Variants in HSD11B2 observed in about 807,000 individuals in gnomAD.
HSD11B2 encodes the protein 11-beta-hydroxysteroid dehydrogenase type 2.
A neutral mutation model predicts 20.9 loss-of-function variants in HSD11B2; 17 were observed. That is an observed-to-expected ratio of 0.81 (90% CI 0.56 to 1.22). The LOEUF is 1.22. HSD11B2 is among the 50% of genes most tolerant of loss of function. HSD11B2 has a pLI of 0.00. For synonymous variants in HSD11B2, 253 were observed against 255.4 expected (o/e 0.99, Z 0.09); for missense variants, 480 against 563.6 (o/e 0.85, Z 1.50).
chr16:67,433,687 TACACACACACACACACAC>T (rs759945497), intron 1 of HSD11B2, among the ~76,000 whole-genome samples: 4 of 133,866 alleles, frequency 3.0e-5, no homozygotes, highest in South Asian at 4.7e-4. Flanking sequence ...TGTGTGTGTC[TACACACACACACACACAC>T]ACACACACAC....
rs746102142 is a variant in HSD11B2, at chr16:67,435,685, CG to C, written c.325del (p.Val109CysfsTer8). The C allele has an allele frequency of 6.2e-7, 1 of 1,613,860 alleles. No homozygotes were observed. Among genetic ancestry groups the C allele is most frequent in the Admixed American group, 1.7e-5 (1 of 60,002 alleles). On this transcript the variant is annotated frameshift_variant, in exon 2 of 5. Transcript: ENST00000326152. LOFTEE classifies it high-confidence loss of function. ...AAGAAACTGGACTCCATGGGCTTCA[CG>C]GTGCTGGCCACCGTATTGGAGTTGA... is the stretch of plus-strand genomic sequence containing the variant. ...TAKKLDSMGF[T>X]VLATVLELNS...
rs2040971096 is a variant in HSD11B2 at position 67,436,227 on chromosome 16, C to G, written c.665-22C>G. Reference sequence around the variant, plus strand: ...GAGCCCCTTGCCAAAGCTGAGCTGCCCCACTCCCAATCCATCCGCAGGGGA... The same window carrying G: ...GAGCCCCTTGCCAAAGCTGAGCTGCGCCACTCCCAATCCATCCGCAGGGGA... On this transcript the variant is annotated intron_variant, in intron 3 of 4. Transcript: ENST00000326152. The surrounding 1 kb of genome is among the most constrained non-coding windows in gnomAD (Gnocchi z 5.7). The G allele has an allele frequency of 1.9e-6, 3 of 1,613,744 alleles. No homozygotes were observed. Among genetic ancestry groups the G allele is most frequent in the Admixed American group, 3.3e-5 (2 of 59,978 alleles).
chr16:67,435,551 G>A, intron 1 of HSD11B2, 77 bp from the exon 2 acceptor site: 1 of 1,198,698 alleles, frequency 8.3e-7, no homozygotes, highest in Non-Finnish European at 1.2e-6. Flanking sequence ...ATCCCATCCA[G>A]ACCCTGGTGA....
rs758419083 is a variant in HSD11B2, at chr16:67,436,163, G to A, written c.664+21G>A. On this transcript the variant is annotated intron_variant, in intron 3 of 4. Coordinates refer to ENST00000326152, the MANE Select transcript of HSD11B2 (RefSeq NM_000196.4). This position sits in a 1 kb window ranked among gnomAD's most constrained non-coding sequence, Gnocchi z 5.7. ...AGCGGGTGAGTGCCCCCCCCCACTG[G>A]AGCAAAAAGGAGCCCCCTGGGGTGG... 7 of 1,613,622 alleles carry A rather than the reference G, an allele frequency of 4.3e-6. No homozygotes were observed. The Admixed American group carries it at 1.2e-4, about 27-fold the overall frequency.
rs72650125 is a variant in HSD11B2, at chr16:67,437,010, T to G, written c.*7T>G. 170 of 1,605,940 alleles carry G rather than the reference T, an allele frequency of 1.1e-4. 1 individual carries two copies. The African/African-American group carries it at 2.0e-3, about 19-fold the overall frequency. On this transcript the variant is annotated 3_prime_UTR_variant, in exon 5 of 5. Transcript: ENST00000326152. ...CCCAGCAGTGGCTCGGTGAGCCATGTGCACCTATGGCCCAGCCACTGCAGC... is the reference window on the plus strand; with the variant it reads ...CCCAGCAGTGGCTCGGTGAGCCATGGGCACCTATGGCCCAGCCACTGCAGC...
intron 1 of HSD11B2, among the ~76,000 whole-genome samples, chr16:67,432,357 C>A (rs2040940401): frequency 6.6e-6 from 1 of 152,076 alleles, no homozygotes; most frequent in African/African-American, 2.4e-5. Flanking sequence ...CCTGGTCTCT[C>A]GCCAATACCC....
chr16:67,436,038 G>A lies in HSD11B2; in HGVS notation c.560G>A (p.Ser187Asn). The A allele has an allele frequency of 1.2e-6, 2 of 1,614,268 alleles. No individual in the cohort carries two copies. The highest frequency in any genetic ancestry group is 1.7e-6 in the Non-Finnish European group (2 of 1,180,050). ...AELSPVATFR[S>N]CMEVNFFGAL... ...CTGTCTCCAGTGGCCACTTTCCGTA[G>A]CTGCATGGAGGTGAATTTCTTTGGC... The change falls in exon 3 of 5, where the codon AGC becomes AAC. Residue 187 changes from serine (S) to asparagine (N), a missense_variant. By Grantham distance (46) the Ser-to-Asn change is conservative (BLOSUM62 1). Coordinates refer to ENST00000326152, the MANE Select transcript of HSD11B2 (RefSeq NM_000196.4). This position sits in a 1 kb window ranked among gnomAD's most constrained non-coding sequence, Gnocchi z 5.7.
Position 67,436,054 on chromosome 16 carries a change from T to A in HSD11B2, c.576T>A (p.Asn192Lys). Residue 192 changes from asparagine (N) to lysine (K), a missense_variant, in exon 3 of 5, where the codon AAT becomes AAA. Asn to Lys is a moderately conservative substitution (Grantham distance 94). This residue lies in a region of HSD11B2 where 374 missense variants were observed against 480.9 expected (regional missense o/e 0.78). Transcript: ENST00000326152. This position sits in a 1 kb window ranked among gnomAD's most constrained non-coding sequence, Gnocchi z 5.7. ...VATFRSCMEV[N>K]FFGALELTKG... is the part of the protein sequence containing the mutation. ...CTTTCCGTAGCTGCATGGAGGTGAATTTCTTTGGCGCGCTCGAGCTGACCA... is the reference window on the plus strand; with the variant it reads ...CTTTCCGTAGCTGCATGGAGGTGAAATTCTTTGGCGCGCTCGAGCTGACCA... The A allele has an allele frequency of 6.2e-7, 1 of 1,614,220 alleles. No individual in the cohort carries two copies. Among genetic ancestry groups the A allele is most frequent in the South Asian group, 1.1e-5 (1 of 91,088 alleles).
chr16:67,431,187 C>T lies in HSD11B2; in HGVS notation c.-62C>T. 1.0e-6 allele frequency: 1 copy of T among 990,022 alleles called. No homozygotes were observed. The allele number at this position is 990,022 out of a possible 1,614,324, so 61.3% of individuals were successfully genotyped here. ...CGCACTCCGCGCCCCGGCCTAGAAGCTCTCTCTCCCCGCTCCCCGGCCCGG... is the reference window on the plus strand; with the variant it reads ...CGCACTCCGCGCCCCGGCCTAGAAGTTCTCTCTCCCCGCTCCCCGGCCCGG... On this transcript the variant is annotated 5_prime_UTR_variant, in exon 1 of 5. Transcript: ENST00000326152.
chr16:67,431,223 GC>G lies in HSD11B2; in HGVS notation c.-22del. The G allele has an allele frequency of 1.7e-6, 2 of 1,153,442 alleles. No homozygotes were observed. Among genetic ancestry groups the G allele is most frequent in the Admixed American group, 4.7e-5 (1 of 21,458 alleles). 71.5% of individuals were successfully genotyped at this position (1,153,442 alleles called of 1,614,324 possible). On this transcript the variant is annotated 5_prime_UTR_variant, in exon 1 of 5. Transcript: ENST00000326152. ...CGCTCCCCGGCCCGGCCCCCGCCCC[GC>G]CCCGCCCCAGCCCGCTGGGCCGCCA...
chr16:67,436,719 C>G lies in HSD11B2; in HGVS notation c.934C>G (p.Arg312Gly), dbSNP rs564896195. The G allele has an allele frequency of 6.2e-7, 1 of 1,614,130 alleles. No individual in the cohort carries two copies. The highest frequency in any genetic ancestry group is 8.5e-7 in the Non-Finnish European group (1 of 1,180,040). Residue 312 changes from arginine (R) to glycine (G), a missense_variant, in exon 5 of 5, where the codon CGC becomes GGC. By Grantham distance (125) the Arg-to-Gly change is moderately radical. This residue lies in a region of HSD11B2 where 374 missense variants were observed against 480.9 expected (regional missense o/e 0.78). Transcript: ENST00000326152. The surrounding 1 kb of genome is among the most constrained non-coding windows in gnomAD (Gnocchi z 5.7). ...GCATGGGCAGTTCCTGCACTCGCTA[C>G]GCCTGGCCATGTCCGACCTCACCCC... ...HLHGQFLHSLRLAMSDLTPVV... is the reference protein window; with the variant it reads ...HLHGQFLHSLGLAMSDLTPVV...
chr16:67,434,301 G>A (rs1457720870), intron 1 of HSD11B2, among the ~76,000 whole-genome samples: 1 of 152,166 alleles, frequency 6.6e-6, no homozygotes, highest in Non-Finnish European at 1.5e-5. Flanking sequence ...GGTGAAGTGG[G>A]GATGGGCCTC....
In HSD11B2 at chr16:67,431,399, C is replaced by A; in HGVS notation, c.151C>A (p.Leu51Met). The A allele has an allele frequency of 1.6e-6, 2 of 1,270,786 alleles. No individual in the cohort carries two copies. The highest frequency in any genetic ancestry group is 4.8e-5 in the South Asian group (2 of 41,864). 78.7% of individuals were successfully genotyped at this position (1,270,786 alleles called of 1,614,324 possible). ...LAALDWLCQR[L>M]LPPPAALAVL... The stretch of plus-strand genomic sequence containing the variant: ...CGCGCTCGACTGGCTGTGCCAGCGC[C>A]TGCTGCCCCCGCCGGCCGCACTCGC... The change falls in exon 1 of 5, where the codon CTG becomes ATG. Residue 51 changes from leucine to methionine, a missense_variant. Around this residue, in one of 2 missense-constraint regions of HSD11B2, gnomAD observed 106 missense variants for 82.8 expected, o/e 1.28. Transcript: ENST00000326152.
chr16:67,436,402 G>A lies in HSD11B2; in HGVS notation c.802+16G>A, dbSNP rs1441944269. On this transcript the variant is annotated intron_variant, in intron 4 of 4. Transcript: ENST00000326152. This position sits in a 1 kb window ranked among gnomAD's most constrained non-coding sequence, Gnocchi z 5.7. ...TTCAAGACAGGTGGGAATCAGGGCT[G>A]GGGGTGGGGTGGGGGTGGGGAATGG... 6.3e-7 allele frequency: 1 copy of A among 1,593,408 alleles called. No individual in the cohort carries two copies. Among genetic ancestry groups the A allele is most frequent in the Non-Finnish European group, 8.6e-7 (1 of 1,165,906 alleles).
At position 67,437,301 on chromosome 16, in the gene HSD11B2, T is replaced by G. The variant is rs908659169; in HGVS notation, c.*298T>G. The G allele has an allele frequency of 1.9e-6, 1 of 536,798 alleles. No individual in the cohort carries two copies. Among genetic ancestry groups the G allele is most frequent in the Non-Finnish European group, 3.3e-6 (1 of 299,074 alleles). The allele number at this position is 536,798 out of a possible 1,614,324, so 33.3% of individuals were successfully genotyped here. On this transcript the variant is annotated 3_prime_UTR_variant, in exon 5 of 5. Coordinates refer to ENST00000326152, the MANE Select transcript of HSD11B2 (RefSeq NM_000196.4). ...TGGGGAGTCTCATGCAAGACTTCAC[T>G]GCAGCCTTTCACAGGACTCTGCAGA...
rs895642778 is a variant in HSD11B2 at position 67,436,671 on chromosome 16, G to A, written c.886G>A (p.Gly296Ser). The change falls in exon 5 of 5, where the codon GGC becomes AGC. Residue 296 changes from glycine to serine, a missense_variant. Around this residue, in one of 2 missense-constraint regions of HSD11B2, gnomAD observed 374 missense variants for 480.9 expected, o/e 0.78. Coordinates refer to ENST00000326152, the MANE Select transcript of HSD11B2 (RefSeq NM_000196.4). This position sits in a 1 kb window ranked among gnomAD's most constrained non-coding sequence, Gnocchi z 5.7. ...GCCTCAAGAGCTGCTGCAGGCCTAC[G>A]GCAAGGACTACATCGAGCACTTGCA... ...NLPQELLQAY[G>S]KDYIEHLHGQ... The A allele has an allele frequency of 3.7e-6, 6 of 1,614,032 alleles. No homozygotes were observed. In the African/African-American group the frequency reaches 4.0e-5, roughly 11 times the overall value.
In HSD11B2 at chr16:67,431,477, CG is replaced by C; in HGVS notation, c.230del (p.Arg77ProfsTer40). The C allele has an allele frequency of 7.2e-7, 1 of 1,395,612 alleles. No individual in the cohort carries two copies. Among genetic ancestry groups the C allele is most frequent in the Non-Finnish European group, 9.3e-7 (1 of 1,072,608 alleles). 86.5% of individuals were successfully genotyped at this position (1,395,612 alleles called of 1,614,324 possible). ...IALSRLARPQRLPVATRAVLI... is the reference protein window; with the variant it reads ...IALSRLARPQXLPVATRAVLI... ...GTTGTCCCGCCTGGCGCGCCCGCAG[CG>C]CCTGCCGGTGGCCACTCGCGCGGTG... On this transcript the variant is annotated frameshift_variant, in exon 1 of 5. Transcript: ENST00000326152. LOFTEE classifies it high-confidence loss of function.
Position 67,435,652 on chromosome 16 carries a change from A to T in HSD11B2, c.290A>T (p.Glu97Val), listed in dbSNP as rs758071954. 5 of 1,613,662 alleles carry T rather than the reference A, an allele frequency of 3.1e-6. No individual in the cohort carries two copies. The South Asian group carries it at 5.5e-5, about 18-fold the overall frequency. The change falls in exon 2 of 5, where the codon GAG becomes GTG. Residue 97 changes from glutamate (E) to valine (V), a missense_variant. By Grantham distance (121) the Glu-to-Val change is moderately radical. Transcript: ENST00000326152. ...GGCTGTGACTCTGGTTTTGGCAAGG[A>T]GACGGCCAAGAAACTGGACTCCATG... ...ITGCDSGFGK[E>V]TAKKLDSMGF...
At chr16:67,430,234 C>A (rs1352854543), upstream of HSD11B2, among the ~76,000 whole-genome samples, 2 of 152,164 alleles carry the variant, frequency 1.3e-5, no homozygotes, top group Non-Finnish European at 2.9e-5. This position sits in a 1 kb window ranked among gnomAD's most constrained non-coding sequence, Gnocchi z 5.4. Context: ...TTATTTTACC[C>A]CCTGGGGGTT....
Sources: gnomAD v4.1 joint callset for allele counts (sites outside exome capture counted in the v4.1 genomes callset) on GRCh38, gnomAD v4.1.1 for gene constraint, gnomAD v4.1.1 regional missense constraint, Gnocchi (gnomAD v3.1) non-coding constraint, MANE v1.5 for transcripts, NCBI Gene and HGNC (gene_info 2026-07-23, HGNC 2026-07-21) for gene names.